The following TNRC6A variants were observed in gnomAD, a reference collection of about 807,000 sequenced individuals.
The protein encoded by TNRC6A is trinucleotide repeat containing adaptor 6A.
Under a neutral mutation model 221.2 loss-of-function variants are expected in TNRC6A, and 44 were observed. The ratio of observed to expected loss-of-function variants is 0.20; its 90% CI spans 0.16 to 0.26. TNRC6A has a LOEUF of 0.26. TNRC6A is among the 10% of genes least tolerant of loss of function. The pLI is 1.00. For missense variants in TNRC6A, 2,199 were observed against 2,404.4 expected, an observed-to-expected ratio of 0.91 and a Z score of 1.79; for synonymous variants, 847 against 838.5, an observed-to-expected ratio of 1.01 and a Z score of -0.18.
In TNRC6A at chr16:24,777,105, GCCA is replaced by G; in HGVS notation, c.338_340del (p.Pro113del). 9.2e-7 allele frequency: 1 copy of G among 1,090,916 alleles called. No homozygotes were observed. Among genetic ancestry groups the G allele is most frequent in the Non-Finnish European group, 1.3e-6 (1 of 768,798 alleles). The allele number at this position is 1,090,916 out of a possible 1,614,324, so 67.6% of individuals were successfully genotyped here. On this transcript the variant is annotated inframe_deletion, in exon 5 of 25. Transcript: ENST00000395799. ...CGCAGCAGCAGCAGCCACAGCAGCA[GCCA>G]CAGCCGCAGCCGCAGCAGCAGCAGC...
intron 2 of TNRC6A, among the ~76,000 whole-genome samples, chr16:24,689,477 A>C (rs2055707033): frequency 6.6e-6 from 1 of 152,240 alleles, no homozygotes; most frequent in Non-Finnish European, 1.5e-5. Context: ...CTCAGACTCC[A>C]AATGTTCATA....
At position 24,777,365 on chromosome 16, in the gene TNRC6A, G is replaced by C; in HGVS notation, c.589+7G>C. On this transcript the variant is annotated splice_region_variant and intron_variant, in intron 5 of 24. Coordinates refer to ENST00000395799, the MANE Select transcript of TNRC6A (RefSeq NM_014494.4). ...AACAGCAAAAACCAGTCAGGTGAGA[G>C]AAGGCATTTCTTACGAGACTCACAC... 1 of 1,602,368 alleles carries C rather than the reference G, an allele frequency of 6.2e-7. No homozygotes were observed. The highest frequency in any genetic ancestry group is 8.5e-7 in the Non-Finnish European group (1 of 1,176,234).
chr16:24,681,543 CT>C (rs1285485182), intron 2 of TNRC6A, among the ~76,000 whole-genome samples: 1 of 152,006 alleles, frequency 6.6e-6, no homozygotes, highest in Non-Finnish European at 1.5e-5. Context: ...TGTTTTTTTT[CT>C]ATTAGTAATA....
intron 1 of TNRC6A, among the ~76,000 whole-genome samples, chr16:24,611,643 G>A (rs1900061609): frequency 6.6e-6 from 1 of 152,214 alleles, no homozygotes; most frequent in African/African-American, 2.4e-5. Flanking sequence ...TTTGCAGAAT[G>A]AGGCAGCATG....
intron 2 of TNRC6A, chr16:24,663,646 A>G (rs953895773): frequency 3.8e-6 from 1 of 261,904 alleles, no homozygotes; most frequent in Admixed American, 4.7e-5. Context: ...ACCCTCCTAG[A>G]TAGTCATATG....
chr16:24,702,583 A>G (rs1463228834), intron 2 of TNRC6A, among the ~76,000 whole-genome samples: 4 of 152,112 alleles, frequency 2.6e-5, no homozygotes, highest in Admixed American at 2.6e-4. Flanking sequence ...AGCTTTTTTG[A>G]GAAATAATTC....
chr16:24,739,678 C>G (rs1363015398), intron 2 of TNRC6A, among the ~76,000 whole-genome samples: 2 of 151,918 alleles, frequency 1.3e-5, no homozygotes, highest in Admixed American at 6.6e-5. Flanking sequence ...AGAATTTCAC[C>G]ATGTTGGCCA....
At chr16:24,718,840 C>G (rs1254927363) in intron 2 of TNRC6A, among the ~76,000 whole-genome samples, 1 of 151,650 alleles carries the variant, frequency 6.6e-6, no homozygotes, top group African/African-American at 2.4e-5. Flanking sequence ...AGTTTGAGAC[C>G]AGCCTGTCCA....
intron 2 of TNRC6A, among the ~76,000 whole-genome samples, chr16:24,701,722 C>G (rs2055981383): frequency 6.6e-6 from 1 of 152,180 alleles, no homozygotes; most frequent in African/African-American, 2.4e-5. Flanking sequence ...GCTATCCCTT[C>G]TGTCATTTTC....
Position 24,670,419 on chromosome 16 carries a change from G to T in TNRC6A, n.402+29410G>T, listed in dbSNP as rs985354787. On this transcript the variant is annotated intron_variant and non_coding_transcript_variant, in intron 2 of 2. Transcript: ENST00000566108. ...TGCAGAAACAACCCTTCCCGCAAGGGTCTCCCAGATGCAATGCGTTGCACC... is the reference window on the plus strand; with the variant it reads ...TGCAGAAACAACCCTTCCCGCAAGGTTCTCCCAGATGCAATGCGTTGCACC... 3.3e-5 allele frequency among the ~76,000 whole-genome samples: 5 copies of T among 152,260 alleles called. No homozygotes were observed. The East Asian group carries it at 9.7e-4, about 29-fold the overall frequency.
rs1234453386 is a variant in TNRC6A, at chr16:24,825,283, G to C, written c.*1476G>C. ...CAAGGGTAAAAATTTTAACAGTACA[G>C]AATTTGCCATCATATCATTGCCTTG... On this transcript the variant is annotated 3_prime_UTR_variant, in exon 25 of 25. Transcript: ENST00000395799. 6.6e-6 allele frequency: 1 copy of C among 152,556 alleles called. No individual in the cohort carries two copies. Among genetic ancestry groups the C allele is most frequent in the Non-Finnish European group, 1.5e-5 (1 of 68,028 alleles). 9.5% of individuals were successfully genotyped at this position (152,556 alleles called of 1,614,324 possible).
rs533549018 is a variant in TNRC6A at position 24,810,310 on chromosome 16, A to G, written c.4672+829A>G. On this transcript the variant is annotated intron_variant, in intron 18 of 24. Transcript: ENST00000395799. Reference sequence around the variant, plus strand: ...CGAGTATCTTCTGCTTTCCAAGGCTATGTTAGCACCTGGAATACATAGACA... The same window carrying G: ...CGAGTATCTTCTGCTTTCCAAGGCTGTGTTAGCACCTGGAATACATAGACA... Among the ~76,000 whole-genome samples the G allele has an allele frequency of 1.8e-4, 28 of 152,264 alleles. No homozygotes were observed. The South Asian group carries it at 2.1e-3, about 11-fold the overall frequency.
chr16:24,668,066 G>A (rs1002787946), intron 2 of TNRC6A, among the ~76,000 whole-genome samples: 3 of 151,008 alleles, frequency 2.0e-5, no homozygotes, highest in African/African-American at 2.4e-5. Flanking sequence ...GGTGGCTCAC[G>A]CCTGTAATCC....
intron 2 of TNRC6A, among the ~76,000 whole-genome samples, chr16:24,671,429 G>A (rs1052683314): frequency 2.0e-5 from 3 of 152,218 alleles, no homozygotes; most frequent in African/African-American, 7.2e-5. Context: ...GAAGATGCTG[G>A]TGGTGATGAG....
At chr16:24,770,707 G>T (rs954053176) in intron 4 of TNRC6A, among the ~76,000 whole-genome samples, 12 of 152,110 alleles carry the variant, frequency 7.9e-5, no homozygotes, top group African/African-American at 2.2e-4. Flanking sequence ...CTTAGGTTTT[G>T]TCATTTCTTC....
intron 14 of TNRC6A, 52 bp from the exon 15 acceptor site, chr16:24,805,553 G>C: frequency 6.2e-7 from 1 of 1,606,264 alleles, no homozygotes; most frequent in South Asian, 1.1e-5. Context: ...AGTACGTGTA[G>C]TTAGTGTGAG....
intron 16 of TNRC6A, 47 bp from the exon 17 acceptor site, chr16:24,806,527 A>G (rs749054232): frequency 1.2e-6 from 2 of 1,603,508 alleles, no homozygotes; most frequent in East Asian, 4.5e-5. Context: ...TTTTCTGTAA[A>G]GACGTTTTCC....
Position 24,823,711 on chromosome 16 carries a change from C to T in TNRC6A, c.5793C>T (p.Pro1931=). The T allele has an allele frequency of 6.4e-7, 1 of 1,566,496 alleles. No individual in the cohort carries two copies. Among genetic ancestry groups the T allele is most frequent in the South Asian group, 1.2e-5 (1 of 84,806 alleles). ...ATTATTCCACAAGCCTGTGGGGTCCCCCAAGCAGCAGCGACCCCCGAGGAA... is the reference window on the plus strand; with the variant it reads ...ATTATTCCACAAGCCTGTGGGGTCCTCCAAGCAGCAGCGACCCCCGAGGAA... ...TPHYSTSLWG[P]PSSSDPRGIS... Residue 1931 remains proline, a synonymous_variant, in exon 25 of 25, where the codon CCC becomes CCT. Transcript: ENST00000395799. This position sits in a 1 kb window ranked among gnomAD's most constrained non-coding sequence, Gnocchi z 4.3.
intron 22 of TNRC6A, chr16:24,821,808 G>GAT: frequency 2.0e-6 from 1 of 494,014 alleles, no homozygotes; most frequent in South Asian, 3.2e-5. Flanking sequence ...ATCTCAAAAA[G>GAT]ATGCAGCCTT....
Sources: gnomAD v4.1 joint callset for allele counts (sites outside exome capture counted in the v4.1 genomes callset) on GRCh38, gnomAD v4.1.1 for gene constraint, Gnocchi (gnomAD v3.1) non-coding constraint, MANE v1.5 for transcripts, NCBI Gene and HGNC (gene_info 2026-07-23, HGNC 2026-07-21) for gene names.